Variants in SPDYE21 observed in about 807,000 individuals in gnomAD.
SPDYE21 encodes the protein speedy protein E21.
A neutral mutation model predicts 36.2 loss-of-function variants in SPDYE21; 14 were observed. The observed-to-expected ratio is 0.39, with a 90% confidence interval of 0.26 to 0.61. The LOEUF (loss-of-function observed/expected upper bound fraction) is 0.61, where lower values mean the gene tolerates loss of function less well. Ranked by LOEUF, SPDYE21 falls within the 20% of genes least tolerant of loss-of-function variation. The probability of loss-of-function intolerance (pLI) is 0.55; values close to 1 mark genes in which losing one functional copy is unlikely to be tolerated. For synonymous variants in SPDYE21, 58 were observed against 155.1 expected, an observed-to-expected ratio of 0.37 and a Z score of 4.65; for missense variants, 233 against 424.6, an observed-to-expected ratio of 0.55 and a Z score of 3.97.
intron 6 of SPDYE21, among the ~76,000 whole-genome samples, chr7:67,285,176 T>C (rs1264135566): frequency 2.6e-5 from 4 of 152,050 alleles, no homozygotes; most frequent in Admixed American, 6.6e-5. Context: ...TTAGACTAGA[T>C]GCCTGTAGAA....
intron 8 of SPDYE21, among the ~76,000 whole-genome samples, chr7:67,286,992 G>A (rs1166666241): frequency 6.6e-6 from 1 of 152,090 alleles, no homozygotes; most frequent in Admixed American, 6.6e-5. Context: ...TATGATTGAC[G>A]CACTTGAGTT....
At chr7:67,285,341 T>C (rs563823429) in intron 6 of SPDYE21, among the ~76,000 whole-genome samples, 1 of 152,072 alleles carries the variant, frequency 6.6e-6, no homozygotes, top group African/African-American at 2.4e-5. Context: ...TCAGCTTCTT[T>C]ATTAGCTCCG....
At chr7:67,277,501 T>C (rs1157313313) in intron 1 of SPDYE21, among the ~76,000 whole-genome samples, 5 of 152,202 alleles carry the variant, frequency 3.3e-5, no homozygotes, top group Non-Finnish European at 7.3e-5. Context: ...CTGCAGCTTC[T>C]AACTCCTGGG....
Position 67,279,988 on chromosome 7 carries a change from G to C in SPDYE21, c.331G>C (p.Val111Leu), listed in dbSNP as rs949916282. ...GLKMKLKQQRVSPILPEHHKD... is the reference protein window; with the variant it reads ...GLKMKLKQQRLSPILPEHHKD... The stretch of plus-strand genomic sequence containing the variant: ...TAAGATGAAGCTGAAGCAACAGCGA[G>C]TGTCACCCATCCTCCCTGAGCACCA... Residue 111 changes from valine (V) to leucine (L), a missense_variant, in exon 3 of 9, where the codon GTG becomes CTG. Coordinates refer to ENST00000424157, the MANE Select transcript of SPDYE21 (RefSeq NM_001382715.2). 1 of 1,580,190 alleles carries C rather than the reference G, an allele frequency of 6.3e-7. No homozygotes were observed.
At chr7:67,287,365 C>T (rs534871956) in intron 8 of SPDYE21, among the ~76,000 whole-genome samples, 153 bp from the exon 9 acceptor site, 2 of 152,220 alleles carry the variant, frequency 1.3e-5, no homozygotes, top group African/African-American at 2.4e-5. Context: ...CAGTTGAACA[C>T]GATGGTTCAG....
intron 6 of SPDYE21, among the ~76,000 whole-genome samples, chr7:67,284,968 C>T (rs1382057468): frequency 2.6e-5 from 4 of 151,358 alleles, no homozygotes; most frequent in Non-Finnish European, 2.9e-5. Flanking sequence ...GCCCTCCACT[C>T]GACTTTGTGT....
Position 67,286,174 on chromosome 7 carries a change from A to C in SPDYE21, c.886A>C (p.Asn296His). The C allele has an allele frequency of 6.2e-7, 1 of 1,610,302 alleles. No homozygotes were observed. The highest frequency in any genetic ancestry group is 1.1e-5 in the South Asian group (1 of 90,794). Residue 296 changes from asparagine (N) to histidine (H), a missense_variant, in exon 7 of 9, where the codon AAC becomes CAC. This residue lies in a region of SPDYE21 where 139 missense variants were observed against 175.8 expected (regional missense o/e 0.79). Coordinates refer to ENST00000424157, the MANE Select transcript of SPDYE21 (RefSeq NM_001382715.2). ...TTGGTTCCAGTTAGGCCGTTCCATGAACCCGAGGGCCAGGAAGAACCGCTC... is the reference window on the plus strand; with the variant it reads ...TTGGTTCCAGTTAGGCCGTTCCATGCACCCGAGGGCCAGGAAGAACCGCTC... ...KRWFQLGRSM[N>H]PRARKNRSRI...
chr7:67,279,080 G>A (rs1355319166), intron 2 of SPDYE21, among the ~76,000 whole-genome samples: 1 of 151,500 alleles, frequency 6.6e-6, no homozygotes, highest in Non-Finnish European at 1.5e-5. Flanking sequence ...AGTGGTAGTG[G>A]TGCACACCTG....
rs1802761396 is a variant in SPDYE21 at position 67,287,518 on chromosome 7, A to C, written c.*46A>C. Among the ~76,000 whole-genome samples, 1 of 152,202 alleles carries C rather than the reference A, an allele frequency of 6.6e-6. No individual in the cohort carries two copies. The highest frequency in any genetic ancestry group is 2.1e-4 in the South Asian group (1 of 4,820). On this transcript the variant is annotated splice_region_variant and 3_prime_UTR_variant, in exon 9 of 9. Transcript: ENST00000424157. ...GTGACATTGTCTCTCTCACTTCCAG[A>C]ACACCGGACCCAGGGGAGATGTGGA...
intron 4 of SPDYE21, among the ~76,000 whole-genome samples, 156 bp from the exon 5 acceptor site, chr7:67,282,479 C>T (rs1162852961): frequency 4.6e-4 from 69 of 151,342 alleles, no homozygotes; most frequent in Middle Eastern, 3.4e-3. Flanking sequence ...AGCCTCTCTC[C>T]CTTGCCCAGT....
intron 5 of SPDYE21, 70 bp from the exon 6 acceptor site, chr7:67,283,843 T>C: frequency 1.0e-6 from 1 of 996,752 alleles, no homozygotes; most frequent in Non-Finnish European, 1.6e-6. Context: ...AGACCCTCAT[T>C]CCCCCTCTCC....
At position 67,278,861 on chromosome 7, in the gene SPDYE21, T is replaced by G. The variant is rs1802583634; in HGVS notation, c.148T>G (p.Leu50Val). Residue 50 changes from leucine to valine, a missense_variant, in exon 2 of 9, where the codon TTG becomes GTG. By Grantham distance (32) the Leu-to-Val change is conservative (BLOSUM62 1). Around this residue, in one of 4 missense-constraint regions of SPDYE21, gnomAD observed 68 missense variants for 87.6 expected, o/e 0.78. Coordinates refer to ENST00000424157, the MANE Select transcript of SPDYE21 (RefSeq NM_001382715.2). ...PLQEVVDDEV[L>V]GPSAPGVDPS... The stretch of plus-strand genomic sequence containing the variant: ...CCAGGAGGTGGTGGATGATGAAGTG[T>G]TGGGACCATCAGGTGAGGGGACTGG... 3.3e-5 allele frequency among the ~76,000 whole-genome samples: 5 copies of G among 150,760 alleles called. No homozygotes were observed. The highest frequency in any genetic ancestry group is 3.3e-4 in the Admixed American group (5 of 15,114).
intron 2 of SPDYE21, among the ~76,000 whole-genome samples, chr7:67,279,276 G>C (rs1309991312): frequency 1.3e-5 from 2 of 148,180 alleles, no homozygotes; most frequent in Non-Finnish European, 3.0e-5. Context: ...AATTCAGGCT[G>C]GGTGCAGTGG....
intron 6 of SPDYE21, 23 bp downstream of exon 6, chr7:67,284,021 T>C: frequency 1.4e-6 from 1 of 726,698 alleles, no homozygotes; most frequent in East Asian, 2.6e-5. Flanking sequence ...CTGCCTCCTA[T>C]CCGTCAATAT....
At chr7:67,278,070 A>G (rs1316328490) in intron 1 of SPDYE21, among the ~76,000 whole-genome samples, 1 of 92,740 alleles carries the variant, frequency 1.1e-5, no homozygotes, top group Non-Finnish European at 2.2e-5. Context: ...AGCTCTGCCA[A>G]ACTGAGTGCT....
chr7:67,281,123 A>G (rs1280775412), intron 3 of SPDYE21, among the ~76,000 whole-genome samples: 1 of 129,634 alleles, frequency 7.7e-6, no homozygotes, highest in African/African-American at 3.2e-5. Context: ...AAAAAAAAAA[A>G]AGGGACTCAG....
chr7:67,285,053 C>T (rs1802706609), intron 6 of SPDYE21, among the ~76,000 whole-genome samples: 1 of 151,946 alleles, frequency 6.6e-6, no homozygotes, highest in African/African-American at 2.4e-5. Flanking sequence ...GTCAGTTCAC[C>T]CACAGCCTCT....
rs1394197418 is a variant in SPDYE21 at position 67,286,434 on chromosome 7, G to A, written c.1146G>A (p.Glu382=). Among the ~76,000 whole-genome samples, 3 of 152,148 alleles carry A rather than the reference G, an allele frequency of 2.0e-5. No homozygotes were observed. Among genetic ancestry groups the A allele is most frequent in the South Asian group, 2.1e-4 (1 of 4,826 alleles). The change falls in exon 7 of 9, where the codon GAG becomes GAA. Residue 382 remains glutamate, a synonymous_variant. Transcript: ENST00000424157. ...GRAWVSPEEL[E]EIQAYDPEHW... ...CTTGGGTTTCCCCGGAGGAGTTGGA[G>A]GAGGTGAGTGGGGCCTGGGGAGGTG...
chr7:67,281,465 G>A lies in SPDYE21; in HGVS notation c.471G>A (p.Glu157=). The part of the protein sequence containing the change: ...WWDESEESLE[E]EPRKVLAPEP... ...ACGAATCTGAGGAGTCGTTGGAGGA[G>A]GAGCCACGGAAGGTGCTCGCCCCTG... Residue 157 remains glutamate (E), a synonymous_variant, in exon 4 of 9, where the codon GAG becomes GAA. Coordinates refer to ENST00000424157, the MANE Select transcript of SPDYE21 (RefSeq NM_001382715.2). 6.3e-7 allele frequency: 1 copy of A among 1,588,932 alleles called. No homozygotes were observed. Among genetic ancestry groups the A allele is most frequent in the Non-Finnish European group, 8.5e-7 (1 of 1,175,816 alleles).
Sources: gnomAD v4.1 joint callset for allele counts (sites outside exome capture counted in the v4.1 genomes callset) on GRCh38, gnomAD v4.1.1 for gene constraint, gnomAD v4.1.1 regional missense constraint, MANE v1.5 for transcripts, NCBI Gene and HGNC (gene_info 2026-07-23, HGNC 2026-07-21) for gene names.